SPATA6L: variants seen among roughly 807,000 people sequenced by gnomAD.
SPATA6L encodes the protein spermatogenesis associated 6 like.
Under a neutral mutation model 49.2 loss-of-function variants are expected in SPATA6L, and 68 were observed. That is an observed-to-expected ratio of 1.38 (90% CI 1.14 to 1.69). SPATA6L has a LOEUF of 1.69. SPATA6L is among the 40% of genes most tolerant of loss of function. SPATA6L has a pLI of 0.00. For missense variants in SPATA6L, 668 were observed against 464.3 expected (o/e 1.44, Z -4.03); for synonymous variants, 198 against 165.7 (o/e 1.19, Z -1.50).
At position 4,600,312 on chromosome 9, in the gene SPATA6L, GT is replaced by G. The variant is rs1822900270; in HGVS notation, c.*498del. 6.6e-6 allele frequency among the ~76,000 whole-genome samples: 1 copy of G among 151,900 alleles called. No individual in the cohort carries two copies. Among genetic ancestry groups the G allele is most frequent in the African/African-American group, 2.4e-5 (1 of 41,360 alleles). On this transcript the variant is annotated 3_prime_UTR_variant, in exon 12 of 12. Coordinates refer to ENST00000682582, the MANE Select transcript of SPATA6L (RefSeq NM_001353486.2). Reference sequence around the variant, plus strand: ...TTCCAAGGTTTTTAGTGGACTTCACGTAAATCAAGCCTAACACTAAGAAATA... The same window carrying G: ...TTCCAAGGTTTTTAGTGGACTTCACGAAATCAAGCCTAACACTAAGAAATA...
chr9:4,647,490 G>A (rs1169969819), intron 3 of SPATA6L, among the ~76,000 whole-genome samples: 1 of 152,164 alleles, frequency 6.6e-6, no homozygotes, highest in Non-Finnish European at 1.5e-5. Context: ...TACTCGGGAG[G>A]CTGAGGCAGC....
chr9:4,628,922 G>T (rs959309643), intron 5 of SPATA6L, 169 bp downstream of exon 5: 4 of 592,396 alleles, frequency 6.8e-6, no homozygotes, highest in African/African-American at 3.8e-5. Flanking sequence ...TAATATGACT[G>T]GCTGAGCAAA....
intron 9 of SPATA6L, among the ~76,000 whole-genome samples, chr9:4,606,028 C>A (rs1824797560): frequency 6.6e-6 from 1 of 151,740 alleles, no homozygotes; most frequent in Admixed American, 6.5e-5. Context: ...AGTTCCCTTT[C>A]CGAGTCAAAG....
chr9:4,605,970 G>A (rs775469391), intron 9 of SPATA6L, among the ~76,000 whole-genome samples: 6 of 152,174 alleles, frequency 3.9e-5, no homozygotes, highest in Non-Finnish European at 7.3e-5. Context: ...TGCGCGAGCC[G>A]AAGCAGGGCG....
chr9:4,635,216 C>T (rs751731817), intron 4 of SPATA6L, 59 bp downstream of exon 4: 22 of 1,444,082 alleles, frequency 1.5e-5, no homozygotes, highest in East Asian at 8.2e-5. Context: ...AGGAATAAAA[C>T]GTTCAGGTCC....
chr9:4,626,084 G>A (rs1830295318), intron 5 of SPATA6L: 1 of 162,072 alleles, frequency 6.2e-6, no homozygotes, highest in Non-Finnish European at 1.4e-5. Context: ...TTTCCACCTG[G>A]TCTCTGTAGG....
At chr9:4,655,191 C>A (rs1438744388) in intron 3 of SPATA6L, among the ~76,000 whole-genome samples, 1 of 152,214 alleles carries the variant, frequency 6.6e-6, no homozygotes, top group Non-Finnish European at 1.5e-5. Flanking sequence ...ATATATTCAT[C>A]CAACAGAATA....
chr9:4,652,698 A>G (rs1361513677), intron 3 of SPATA6L, among the ~76,000 whole-genome samples: 1 of 149,444 alleles, frequency 6.7e-6, no homozygotes, highest in Non-Finnish European at 1.5e-5. Flanking sequence ...AAAATTAGCC[A>G]GGCGTGGTGG....
chr9:4,625,275 C>T, intron 6 of SPATA6L, 52 bp downstream of exon 6: 4 of 1,554,970 alleles, frequency 2.6e-6, no homozygotes, highest in Admixed American at 2.0e-5. Flanking sequence ...CTTCCACCCT[C>T]ATCCATATCC....
chr9:4,617,069 T>G (rs1828193641), intron 9 of SPATA6L, among the ~76,000 whole-genome samples: 1 of 152,194 alleles, frequency 6.6e-6, no homozygotes, highest in Admixed American at 6.5e-5. Flanking sequence ...GGATTGCCAC[T>G]TTCTTAGTCT....
intron 5 of SPATA6L, 129 bp from the exon 6 acceptor site, chr9:4,625,695 A>C (rs1212530855): frequency 1.7e-6 from 1 of 578,464 alleles, no homozygotes; most frequent in African/African-American, 1.9e-5. Context: ...CAGATTTATA[A>C]AACATAAACT....
chr9:4,643,406 T>C (rs749299897), intron 3 of SPATA6L, among the ~76,000 whole-genome samples: 21 of 152,194 alleles, frequency 1.4e-4, no homozygotes, highest in East Asian at 1.9e-4. Flanking sequence ...TGGAACCTTA[T>C]TGGGGATCAG....
chr9:4,627,641 A>G, intron 5 of SPATA6L: 1 of 857,644 alleles, frequency 1.2e-6, no homozygotes, highest in Non-Finnish European at 1.6e-6. Context: ...ATATGCAATA[A>G]GGTAAAAGCA....
At chr9:4,617,475 A>C (rs1315820040) in intron 9 of SPATA6L, 1 of 153,026 alleles carries the variant, frequency 6.5e-6, no homozygotes, top group Non-Finnish European at 1.5e-5. Context: ...AGACATATGC[A>C]AATGTATTTT....
intron 2 of SPATA6L, among the ~76,000 whole-genome samples, chr9:4,657,867 C>CTT (rs1292659219): frequency 5.9e-5 from 9 of 152,130 alleles, no homozygotes; most frequent in African/African-American, 2.2e-4. Context: ...GTAAATGACT[C>CTT]TAGTTTTACT....
chr9:4,656,783 C>T (rs892345493), intron 2 of SPATA6L, among the ~76,000 whole-genome samples: 3 of 152,170 alleles, frequency 2.0e-5, no homozygotes, highest in East Asian at 1.9e-4. Context: ...TGTTGTTTGA[C>T]TACCTAGAAA....
rs566586891 is a variant in SPATA6L, at chr9:4,618,194, G to T, written c.808-84C>A. On this transcript the variant is annotated intron_variant, in intron 8 of 11. Coordinates refer to ENST00000682582, the MANE Select transcript of SPATA6L (RefSeq NM_001353486.2). The stretch of plus-strand genomic sequence containing the variant: ...CTGGGGGTGGGGGTTGGACAAGGAA[G>T]ATAACTCGGGCTAAGATGACAGAAT... 2.1e-5 allele frequency: 25 copies of T among 1,197,322 alleles called. No individual in the cohort carries two copies. In the East Asian group the frequency reaches 5.6e-4, roughly 27 times the overall value. The allele number at this position is 1,197,322 out of a possible 1,614,324, so 74.2% of individuals were successfully genotyped here.
intron 9 of SPATA6L, among the ~76,000 whole-genome samples, chr9:4,611,041 GA>G (rs1242310883): frequency 6.7e-6 from 1 of 149,400 alleles, no homozygotes; most frequent in Non-Finnish European, 1.5e-5. Flanking sequence ...AAAAACACAT[GA>G]AAAAATGCTC....
Position 4,604,141 on chromosome 9 carries a change from G to C in SPATA6L, c.*1+38C>G, listed in dbSNP as rs116309263. 1,211 of 1,367,012 alleles carry C rather than the reference G, an allele frequency of 8.9e-4. 11 individuals carry two copies. In the African/African-American group the frequency reaches 0.016, roughly 18 times the overall value. 84.7% of individuals were successfully genotyped at this position (1,367,012 alleles called of 1,614,324 possible). A position where few individuals can be genotyped will look rare whatever the true frequency, so the allele number is the denominator to read the frequency against. Reference sequence around the variant, plus strand: ...AATTCTTTTAGCAAACCAAGATAAGGAGAAGCACTTAAGCTGCTTACTTAC... The same window carrying C: ...AATTCTTTTAGCAAACCAAGATAAGCAGAAGCACTTAAGCTGCTTACTTAC... On this transcript the variant is annotated intron_variant, in intron 11 of 11. Coordinates refer to ENST00000682582, the MANE Select transcript of SPATA6L (RefSeq NM_001353486.2).
Sources: allele counts gnomAD v4.1 joint callset (sites outside exome capture counted in the v4.1 genomes callset), GRCh38; gene constraint gnomAD v4.1.1; transcripts MANE v1.5; gene names NCBI Gene and HGNC (gene_info 2026-07-23, HGNC 2026-07-21).